The following HSPA4L variants were observed in gnomAD, a reference collection of about 807,000 sequenced individuals.
The protein encoded by HSPA4L is heat shock protein family A (Hsp70) member 4 like, also known as heat shock 70 kDa protein 4L.
HSPA4L carries 48 observed loss-of-function variants against 100.3 expected under a neutral mutation model. The observed-to-expected ratio is 0.48, with a 90% confidence interval of 0.38 to 0.61. The LOEUF (loss-of-function observed/expected upper bound fraction) is 0.61. HSPA4L is among the 20% of genes least tolerant of loss of function. The pLI, the probability that HSPA4L is intolerant of heterozygous loss-of-function variation, is 0.00. For missense variants in HSPA4L, 886 were observed against 988.6 expected, an observed-to-expected ratio of 0.90 and a Z score of 1.39; for synonymous variants, 319 against 328.2, an observed-to-expected ratio of 0.97 and a Z score of 0.30.
chr4:127,821,352 G>T (rs984908410), intron 14 of HSPA4L, among the ~76,000 whole-genome samples: 6 of 152,082 alleles, frequency 3.9e-5, no homozygotes, highest in African/African-American at 1.4e-4. Context: ...TATAAAATGA[G>T]ATTTTCTTAA....
chr4:127,814,001 A>G (rs1733610214), intron 12 of HSPA4L, among the ~76,000 whole-genome samples: 2 of 152,092 alleles, frequency 1.3e-5, no homozygotes, highest in African/African-American at 4.8e-5. Flanking sequence ...ATATAATATT[A>G]GTGAATCCTG....
chr4:127,782,678 T>TCTTACGAGGTGCTGAG (rs1346216142), intron 1 of HSPA4L, 21 bp downstream of exon 1: 22 of 1,535,516 alleles, frequency 1.4e-5, no homozygotes, highest in Non-Finnish European at 1.8e-5. Context: ...CTGCTGAGCA[T>TCTTACGAGGTGCTGAG]CACCTCGACC....
intron 17 of HSPA4L, 115 bp from the exon 18 acceptor site, chr4:127,830,523 T>C: frequency 1.4e-6 from 1 of 694,298 alleles, no homozygotes; most frequent in Non-Finnish European, 2.3e-6. Flanking sequence ...TTCAGATGAG[T>C]ACATTTGAGA....
intron 13 of HSPA4L, among the ~76,000 whole-genome samples, chr4:127,819,738 T>C (rs969975094): frequency 6.6e-6 from 1 of 151,252 alleles, no homozygotes. Flanking sequence ...TATGTACTTA[T>C]TTGTGACTGG....
At chr4:127,794,216 A>T (rs1732957103) in intron 2 of HSPA4L, 82 bp downstream of exon 2, 2 of 1,010,934 alleles carry the variant, frequency 2.0e-6, no homozygotes, top group African/African-American at 3.2e-5. Context: ...TTATATTGTT[A>T]AGAGTGAATA....
At chr4:127,813,730 C>T (rs1249562613) in intron 12 of HSPA4L, among the ~76,000 whole-genome samples, 2 of 152,200 alleles carry the variant, frequency 1.3e-5, no homozygotes, top group Non-Finnish European at 2.9e-5. Flanking sequence ...ACAACCTCTG[C>T]CTCCTGGGTT....
intron 14 of HSPA4L, 130 bp from the exon 15 acceptor site, chr4:127,822,639 C>T (rs1428617627): frequency 2.7e-5 from 23 of 847,956 alleles, no homozygotes; most frequent in Non-Finnish European, 3.5e-5. Flanking sequence ...TCACTTTCTC[C>T]ACATCCTCAT....
chr4:127,834,151 C>G lies in HSPA4L; in HGVS notation c.*1277C>G, dbSNP rs1383884484. ...TTAATTTCTGTCCAGAGACCTGAAA[C>G]TGCTTAAGTATGGGAACAGACTGAA... On this transcript the variant is annotated 3_prime_UTR_variant, in exon 19 of 19. Coordinates refer to ENST00000296464, the MANE Select transcript of HSPA4L (RefSeq NM_014278.4). 1 of 152,142 alleles carries G rather than the reference C, an allele frequency of 6.6e-6. No individual in the cohort carries two copies. The highest frequency in any genetic ancestry group is 2.4e-5 in the African/African-American group (1 of 41,446). 9.4% of individuals were successfully genotyped at this position (152,142 alleles called of 1,614,324 possible).
chr4:127,792,749 G>T (rs1732911492), intron 1 of HSPA4L, among the ~76,000 whole-genome samples: 1 of 152,102 alleles, frequency 6.6e-6, no homozygotes. Context: ...AAATAAAATT[G>T]GGTTAACAGT....
intron 17 of HSPA4L, 42 bp downstream of exon 17, chr4:127,827,466 A>G (rs1384882999): frequency 1.2e-6 from 2 of 1,610,416 alleles, no homozygotes; most frequent in African/African-American, 2.7e-5. Context: ...TGGCATGTGC[A>G]TGGTACATAG....
chr4:127,798,790 T>A (rs1292174404), intron 4 of HSPA4L, 81 bp downstream of exon 4: 34 of 1,352,140 alleles, frequency 2.5e-5, no homozygotes, highest in Non-Finnish European at 3.5e-5. Context: ...TTTTCTTCCC[T>A]TACACTTTCT....
intron 1 of HSPA4L, chr4:127,783,596 A>C: frequency 6.5e-7 from 1 of 1,532,938 alleles, no homozygotes; most frequent in South Asian, 1.2e-5. Context: ...AATATGAAAA[A>C]CTAGTTGCTG....
At chr4:127,797,318 T>G (rs886552033) in intron 3 of HSPA4L, among the ~76,000 whole-genome samples, 3 of 152,204 alleles carry the variant, frequency 2.0e-5, no homozygotes, top group Non-Finnish European at 4.4e-5. Flanking sequence ...AAATTTGAAC[T>G]ACTTAATTTT....
intron 3 of HSPA4L, 57 bp from the exon 4 acceptor site, chr4:127,798,530 G>A (rs1733085649): frequency 3.8e-6 from 6 of 1,575,520 alleles, no homozygotes; most frequent in Non-Finnish European, 5.2e-6. Context: ...GGTGCTCACT[G>A]AATATTTGTT....
intron 18 of HSPA4L, 70 bp from the exon 19 acceptor site, chr4:127,832,613 G>A: frequency 7.7e-7 from 1 of 1,294,586 alleles, no homozygotes; most frequent in South Asian, 1.6e-5. Flanking sequence ...AAGTTAATGT[G>A]GAATTTAGAA....
At chr4:127,785,380 G>A (rs1578685022) in intron 1 of HSPA4L, among the ~76,000 whole-genome samples, 1 of 151,942 alleles carries the variant, frequency 6.6e-6, no homozygotes, top group African/African-American at 2.4e-5. Context: ...ATGGTTTTCT[G>A]TGTGTGTTTT....
intron 1 of HSPA4L, chr4:127,783,673 A>T (rs1732632729): frequency 6.5e-7 from 1 of 1,535,312 alleles, no homozygotes. Flanking sequence ...ATTACTTTTT[A>T]TGGAAAGGTA....
chr4:127,835,817 C>T lies in HSPA4L; in HGVS notation c.*2943C>T, dbSNP rs1380705491. The T allele has an allele frequency of 2.0e-5, 3 of 152,232 alleles. No homozygotes were observed. Among genetic ancestry groups the T allele is most frequent in the Non-Finnish European group, 4.4e-5 (3 of 68,090 alleles). 9.4% of individuals were successfully genotyped at this position (152,232 alleles called of 1,614,324 possible). A position where few individuals can be genotyped will look rare whatever the true frequency, so the allele number is the denominator to read the frequency against. On this transcript the variant is annotated 3_prime_UTR_variant, in exon 19 of 19. Transcript: ENST00000296464. Reference sequence around the variant, plus strand: ...AGGATAACAAGGCTGGGCACAGTGACTCACACCTGTAATCCTAGCACTTTG... The same window carrying T: ...AGGATAACAAGGCTGGGCACAGTGATTCACACCTGTAATCCTAGCACTTTG...
At chr4:127,790,101 T>C (rs1013205424) in intron 1 of HSPA4L, among the ~76,000 whole-genome samples, 2 of 152,212 alleles carry the variant, frequency 1.3e-5, no homozygotes, top group Non-Finnish European at 2.9e-5. Flanking sequence ...GGTAACTGTT[T>C]AGCTTTCTTT....
Sources: gnomAD v4.1 joint callset for allele counts (sites outside exome capture counted in the v4.1 genomes callset) on GRCh38, gnomAD v4.1.1 for gene constraint, MANE v1.5 for transcripts, NCBI Gene and HGNC (gene_info 2026-07-23, HGNC 2026-07-21) for gene names.